Variants in OR1J2 observed in about 807,000 individuals in gnomAD.
The protein encoded by OR1J2 is olfactory receptor family 1 subfamily J member 2, also known as olfactory receptor 1J2.
For missense variants in OR1J2, 304 were observed against 246.1 expected (o/e 1.24, Z -1.57); for synonymous variants, 142 against 99.7 (o/e 1.42, Z -2.52).
At chr9:122,509,043 A>G (rs923673397), upstream of OR1J2, among the ~76,000 whole-genome samples, 1 of 152,276 alleles carries the variant, frequency 6.6e-6, no homozygotes, top group African/African-American at 2.4e-5. Flanking sequence ...AGACTCTTCT[A>G]TGTCTTCTTC....
chr9:122,510,112 A>G (rs1394750460), upstream of OR1J2, among the ~76,000 whole-genome samples: 1 of 152,098 alleles, frequency 6.6e-6, no homozygotes, highest in Non-Finnish European at 1.5e-5. Context: ...CTGTGTAACA[A>G]ACCTGCACGT....
chr9:122,570,734 A>T, the OR1J2 span, among the ~76,000 whole-genome samples: 1 of 152,192 alleles, frequency 6.6e-6, no homozygotes, highest in Non-Finnish European at 1.5e-5. Context: ...TGTCTCTCAG[A>T]TTAATTTTAT....
chr9:122,531,095 G>T, the OR1J2 span, among the ~76,000 whole-genome samples: 1 of 152,176 alleles, frequency 6.6e-6, no homozygotes, highest in Admixed American at 6.5e-5. Context: ...GGTATGGAGA[G>T]ATAATGGGCG....
the OR1J2 span, among the ~76,000 whole-genome samples, chr9:122,563,970 G>A: frequency 1.3e-5 from 2 of 152,104 alleles, no homozygotes; most frequent in African/African-American, 2.4e-5. Context: ...TTATCCATAT[G>A]TCTGTATTTA....
the OR1J2 span, among the ~76,000 whole-genome samples, chr9:122,487,298 T>C: frequency 1.3e-5 from 2 of 152,222 alleles, no homozygotes; most frequent in Middle Eastern, 3.4e-3. Flanking sequence ...AGGCCAGATA[T>C]TCAGCAAAAC....
the OR1J2 span, among the ~76,000 whole-genome samples, chr9:122,555,146 C>T: frequency 6.6e-6 from 1 of 152,152 alleles, no homozygotes; most frequent in African/African-American, 2.4e-5. Flanking sequence ...AAAAATGTTG[C>T]AGTGATAACT....
At chr9:122,485,366 C>G in the OR1J2 span, among the ~76,000 whole-genome samples, 1 of 152,194 alleles carries the variant, frequency 6.6e-6, no homozygotes, top group Non-Finnish European at 1.5e-5. Flanking sequence ...GACTCCAGCA[C>G]TTTGGACCCA....
At chr9:122,569,558 A>G in the OR1J2 span, among the ~76,000 whole-genome samples, 1 of 75,728 alleles carries the variant, frequency 1.3e-5, no homozygotes, top group Non-Finnish European at 2.6e-5. Flanking sequence ...TTACATAGAG[A>G]TTTTCAAGCA....
downstream of OR1J2, among the ~76,000 whole-genome samples, chr9:122,516,663 A>G (rs899558970): frequency 1.3e-5 from 2 of 152,186 alleles, no homozygotes; most frequent in South Asian, 4.1e-4. Flanking sequence ...AATTGGATTC[A>G]GGGGGCTTTA....
At chr9:122,491,670 G>A in the OR1J2 span, among the ~76,000 whole-genome samples, 1 of 152,142 alleles carries the variant, frequency 6.6e-6, no homozygotes, top group Non-Finnish European at 1.5e-5. Context: ...ATGACTAGGA[G>A]CAATGCAAAT....
the OR1J2 span, among the ~76,000 whole-genome samples, chr9:122,518,532 C>T: frequency 6.6e-6 from 1 of 152,222 alleles, no homozygotes; most frequent in Non-Finnish European, 1.5e-5. Context: ...GGGGTTCTAC[C>T]CTCATGACCT....
the OR1J2 span, among the ~76,000 whole-genome samples, chr9:122,539,278 CAA>C: frequency 6.6e-6 from 1 of 152,098 alleles, no homozygotes; most frequent in African/African-American, 2.4e-5. Context: ...CCCCACCCCA[CAA>C]CATGCCCTGG....
At chr9:122,546,296 C>T in the OR1J2 span, among the ~76,000 whole-genome samples, 1 of 152,056 alleles carries the variant, frequency 6.6e-6, no homozygotes, top group Non-Finnish European at 1.5e-5. Flanking sequence ...AATTTTTTGC[C>T]ACTCTTCCTA....
the OR1J2 span, among the ~76,000 whole-genome samples, chr9:122,495,988 G>A: frequency 6.6e-6 from 1 of 152,148 alleles, no homozygotes; most frequent in Non-Finnish European, 1.5e-5. Flanking sequence ...GAGCTACCAG[G>A]CCCTGGGATG....
the OR1J2 span, among the ~76,000 whole-genome samples, chr9:122,453,470 G>T: frequency 4.2e-3 from 646 of 152,288 alleles, 3 homozygotes; most frequent in African/African-American, 0.013. Flanking sequence ...CTGGGTCTGT[G>T]ATCACAAGTG....
the OR1J2 span, chr9:122,477,757 G>T: frequency 1.7e-4 from 275 of 1,614,096 alleles, 2 homozygotes; most frequent in South Asian, 2.9e-3. Flanking sequence ...GTACATGGGG[G>T]TGTGAAGGTG....
chr9:122,516,122 T>C (rs1828697167), downstream of OR1J2, among the ~76,000 whole-genome samples: 2 of 152,116 alleles, frequency 1.3e-5, no homozygotes, highest in African/African-American at 4.8e-5. Flanking sequence ...GTGCACTACC[T>C]TGCCCAAAGA....
At chr9:122,514,228 A>G (rs564177059), downstream of OR1J2, among the ~76,000 whole-genome samples, 274 of 152,266 alleles carry the variant, frequency 1.8e-3, no homozygotes, top group African/African-American at 6.5e-3. Flanking sequence ...TTGGGCTACA[A>G]ATGATATATC....
the OR1J2 span, among the ~76,000 whole-genome samples, chr9:122,491,312 A>T: frequency 6.6e-6 from 1 of 152,112 alleles, no homozygotes; most frequent in African/African-American, 2.4e-5. Context: ...AGGCAGGTGG[A>T]TATATTTTGG....
Sources: gnomAD v4.1 joint callset for allele counts (sites outside exome capture counted in the v4.1 genomes callset) on GRCh38, gnomAD v4.1.1 for gene constraint, MANE v1.5 for transcripts, NCBI Gene and HGNC (gene_info 2026-07-23, HGNC 2026-07-21) for gene names.